PATJ: variants seen among roughly 807,000 people sequenced by gnomAD.
PATJ encodes PATJ crumbs cell polarity complex component.
Under a neutral mutation model 224.9 loss-of-function variants are expected in PATJ, and 190 were observed. That is an observed-to-expected ratio of 0.84 (90% CI 0.75 to 0.95). The LOEUF (loss-of-function observed/expected upper bound fraction) is 0.95. PATJ is among the 40% of genes least tolerant of loss of function. The probability of loss-of-function intolerance (pLI) is 0.00; values close to 1 mark genes in which losing one functional copy is unlikely to be tolerated. For synonymous variants in PATJ, 769 were observed against 820.3 expected, an observed-to-expected ratio of 0.94 and a Z score of 1.07; for missense variants, 2,121 against 2,270.3, an observed-to-expected ratio of 0.93 and a Z score of 1.34.
intron 9 of PATJ, 69 bp downstream of exon 9, chr1:61,791,516 T>A: frequency 1.1e-6 from 1 of 938,762 alleles, no homozygotes; most frequent in Non-Finnish European, 1.7e-6. Context: ...ATAGTGAAAT[T>A]AAATACTTGC....
chr1:62,043,390 C>T (rs1433226019), intron 30 of PATJ, among the ~76,000 whole-genome samples: 1 of 152,190 alleles, frequency 6.6e-6, no homozygotes. Flanking sequence ...CATTTACTAG[C>T]AGAGTGAACT....
chr1:61,759,410 CTT>C (rs56222334), intron 1 of PATJ, among the ~76,000 whole-genome samples: 86 of 130,080 alleles, frequency 6.6e-4, no homozygotes, highest in African/African-American at 7.8e-4. Context: ...ATTTTAATTG[CTT>C]TTTTTTTTTT....
chr1:61,815,437 A>G (rs1655908681), intron 14 of PATJ, among the ~76,000 whole-genome samples: 1 of 152,246 alleles, frequency 6.6e-6, no homozygotes, highest in Admixed American at 6.5e-5. Flanking sequence ...TCTTAGGTCC[A>G]GGCTGGAGGT....
In PATJ at chr1:62,142,347, CTTTT is replaced by C. The variant is rs113854474; in HGVS notation, c.5272-5929_5272-5926del. ...ATTCCATTCCATAACTGCCTTGTTACTTTTTTTTTTTCTCCTTTAAGAACCCAAC... is the reference window on the plus strand; with the variant it reads ...ATTCCATTCCATAACTGCCTTGTTACTTTTTTTCTCCTTTAAGAACCCAAC... On this transcript the variant is annotated intron_variant, in intron 41 of 43. Coordinates refer to ENST00000642238, the MANE Select transcript of PATJ (RefSeq NM_001350145.3). Among the ~76,000 whole-genome samples the C allele has an allele frequency of 2.0e-5, 3 of 148,064 alleles. No homozygotes were observed. The Admixed American group carries it at 2.0e-4, about 10-fold the overall frequency.
intron 30 of PATJ, chr1:62,039,164 G>C: frequency 1.7e-6 from 1 of 579,664 alleles, no homozygotes; most frequent in South Asian, 1.8e-5. Flanking sequence ...TCCTACCTTT[G>C]TTAATTGTCT....
At chr1:61,892,740 A>G (rs1416310281) in intron 22 of PATJ, among the ~76,000 whole-genome samples, 2 of 152,134 alleles carry the variant, frequency 1.3e-5, no homozygotes, top group South Asian at 4.1e-4. Context: ...CTACCCCCAC[A>G]TGCATAGCCT....
intron 28 of PATJ, among the ~76,000 whole-genome samples, chr1:61,992,117 C>CT (rs138874624): frequency 0.22 from 29,917 of 136,144 alleles, 3,488 homozygotes; most frequent in East Asian, 0.39. Flanking sequence ...CTGTGGGATT[C>CT]TTTTTTTTTT....
intron 33 of PATJ, among the ~76,000 whole-genome samples, chr1:62,087,575 C>G (rs924068642): frequency 6.6e-6 from 1 of 151,980 alleles, no homozygotes; most frequent in African/African-American, 2.4e-5. Flanking sequence ...TAGAATTTCT[C>G]TGCCTCCTGT....
intron 19 of PATJ, among the ~76,000 whole-genome samples, chr1:61,863,042 T>G (rs1400265230): frequency 9.0e-5 from 13 of 144,374 alleles, no homozygotes; most frequent in Admixed American, 1.4e-4. Flanking sequence ...TTTTTTTTTT[T>G]TTTTTTTTTT....
intron 28 of PATJ, among the ~76,000 whole-genome samples, chr1:61,991,319 T>C (rs942898227): frequency 6.6e-6 from 1 of 152,220 alleles, no homozygotes; most frequent in Non-Finnish European, 1.5e-5. Flanking sequence ...GGCAGGCAGT[T>C]TGACTTGTAG....
chr1:62,162,991 T>C lies in PATJ; in HGVS notation c.*1937T>C. The C allele has an allele frequency of 2.9e-6, 1 of 349,248 alleles. No individual in the cohort carries two copies. The highest frequency in any genetic ancestry group is 5.7e-6 in the Non-Finnish European group (1 of 175,698). 21.6% of individuals were successfully genotyped at this position (349,248 alleles called of 1,614,324 possible). ...GAAGGATGAGTACTAGAGTCAGTAA[T>C]AGAAGTAGTTCAGCATTATTTAACT... On this transcript the variant is annotated 3_prime_UTR_variant, in exon 44 of 44. Transcript: ENST00000642238.
intron 32 of PATJ, among the ~76,000 whole-genome samples, chr1:62,082,085 A>G (rs987685979): frequency 6.6e-6 from 1 of 152,110 alleles, no homozygotes; most frequent in African/African-American, 2.4e-5. Context: ...AGAAGTCGAT[A>G]GTAAATATTT....
chr1:62,149,495 T>C (rs1248251962), intron 42 of PATJ, among the ~76,000 whole-genome samples: 1 of 152,176 alleles, frequency 6.6e-6, no homozygotes, highest in Non-Finnish European at 1.5e-5. Context: ...GAAAGAATAT[T>C]AAATTAAGCT....
intron 25 of PATJ, among the ~76,000 whole-genome samples, chr1:61,908,865 G>A (rs368138830): frequency 2.6e-5 from 4 of 152,330 alleles, no homozygotes; most frequent in Non-Finnish European, 5.9e-5. Context: ...ATCACATGTT[G>A]TGTATATTTA....
intron 10 of PATJ, among the ~76,000 whole-genome samples, chr1:61,796,944 C>G (rs1479668740): frequency 1.3e-5 from 2 of 151,794 alleles, no homozygotes; most frequent in South Asian, 2.1e-4. Flanking sequence ...TTGGCTCACT[C>G]CAACCACTGC....
At chr1:62,093,124 A>T (rs1448620062) in intron 33 of PATJ, among the ~76,000 whole-genome samples, 2 of 152,258 alleles carry the variant, frequency 1.3e-5, no homozygotes, top group African/African-American at 4.8e-5. Context: ...AATTTAATTC[A>T]TTCTTATTAA....
intron 27 of PATJ, among the ~76,000 whole-genome samples, chr1:61,930,787 A>G (rs1289656581): frequency 6.6e-6 from 1 of 152,062 alleles, no homozygotes; most frequent in Admixed American, 6.5e-5. Flanking sequence ...AGCTCACTGC[A>G]TCGTCTGCCT....
intron 3 of PATJ, among the ~76,000 whole-genome samples, chr1:61,764,027 T>C (rs762512231): frequency 5.9e-5 from 9 of 151,558 alleles, no homozygotes; most frequent in Non-Finnish European, 1.3e-4. Flanking sequence ...GTGTTATTAT[T>C]ATTATTTTTT....
chr1:61,836,459 G>T (rs533756824), intron 17 of PATJ, among the ~76,000 whole-genome samples: 1 of 152,234 alleles, frequency 6.6e-6, no homozygotes, highest in South Asian at 2.1e-4. Flanking sequence ...AGATTAAAGG[G>T]CTCATCTTAT....
Sources: gnomAD v4.1 joint callset for allele counts (sites outside exome capture counted in the v4.1 genomes callset) on GRCh38, gnomAD v4.1.1 for gene constraint, MANE v1.5 for transcripts, NCBI Gene and HGNC (gene_info 2026-07-23, HGNC 2026-07-21) for gene names.